The following KIF1C variants were observed in gnomAD, a reference collection of about 807,000 sequenced individuals.
KIF1C encodes kinesin family member 1C.
KIF1C carries 61 observed loss-of-function variants against 126.5 expected under a neutral mutation model. That is an observed-to-expected ratio of 0.48 (90% confidence interval 0.39 to 0.60). KIF1C has a LOEUF of 0.60. KIF1C is among the 20% of genes least tolerant of loss of function. The probability of loss-of-function intolerance (pLI) is 0.00; values close to 1 mark genes in which losing one functional copy is unlikely to be tolerated. For synonymous variants in KIF1C, 640 were observed against 580.6 expected (o/e 1.10, Z -1.47); for missense variants, 1,315 against 1,489.2 (o/e 0.88, Z 1.93).
rs1345170512 is a variant in KIF1C, at chr17:5,026,273, ACT to A, written c.*2124_*2125del. ...AGCAGTTTAAAATCTGGCCAGGGAG[ACT>A]CAATGTGAGCAAGAAAATGATAGAA... On this transcript the variant is annotated 3_prime_UTR_variant, in exon 23 of 23. Coordinates refer to ENST00000320785, the MANE Select transcript of KIF1C (RefSeq NM_006612.6). The A allele has an allele frequency of 2.6e-5, 4 of 152,058 alleles. No homozygotes were observed. The highest frequency in any genetic ancestry group is 5.9e-5 in the Non-Finnish European group (4 of 68,040). 9.4% of individuals were successfully genotyped at this position (152,058 alleles called of 1,614,324 possible). A position where few individuals can be genotyped will look rare whatever the true frequency, so the allele number is the denominator to read the frequency against.
At chr17:5,013,831 G>A (rs1464399500) in intron 17 of KIF1C, 99 bp downstream of exon 17, 9 of 856,138 alleles carry the variant, frequency 1.1e-5, no homozygotes, top group Non-Finnish European at 1.7e-5. Flanking sequence ...GTGGTCCCTG[G>A]AGATACCTCA....
chr17:5,022,555 C>A lies in KIF1C; in HGVS notation c.2474C>A (p.Ala825Asp). The change falls in exon 22 of 23, where the codon GCC (alanine) becomes GAC (aspartate). Residue 825 changes from alanine to aspartate, a missense_variant. Ala to Asp is a moderately radical substitution (Grantham distance 126, BLOSUM62 -2). Around this residue, in one of 2 missense-constraint regions of KIF1C, gnomAD observed 441 missense variants for 436.1 expected, o/e 1.01. Coordinates refer to ENST00000320785, the MANE Select transcript of KIF1C (RefSeq NM_006612.6). This position sits in a 1 kb window ranked among gnomAD's most constrained non-coding sequence, Gnocchi z 4.9. Reference sequence around the variant, plus strand: ...AGTGGTGGTGGCAGTGAGGAGGGAGCCCGAGGGGCGGAGGTGGAGGACCTC... The same window carrying A: ...AGTGGTGGTGGCAGTGAGGAGGGAGACCGAGGGGCGGAGGTGGAGGACCTC... ...AGSGGGSEEG[A>D]RGAEVEDLRA... 6.3e-7 allele frequency: 1 copy of A among 1,590,030 alleles called. No individual in the cohort carries two copies. Among genetic ancestry groups the A allele is most frequent in the East Asian group, 2.3e-5 (1 of 43,816 alleles).
chr17:5,000,239 C>T lies in KIF1C; in HGVS notation c.-8C>T. The stretch of plus-strand genomic sequence containing the variant: ...CTCCAGCTGAGGAGGGCAGGAGTGT[C>T]TGGAGCTATGGCTGGTGCCTCGGTG... On this transcript the variant is annotated 5_prime_UTR_variant, in exon 3 of 23. Transcript: ENST00000320785. 2 of 1,560,220 alleles carry T rather than the reference C, an allele frequency of 1.3e-6. No individual in the cohort carries two copies. Among genetic ancestry groups the T allele is most frequent in the South Asian group, 1.2e-5 (1 of 84,632 alleles).
intron 18 of KIF1C, among the ~76,000 whole-genome samples, chr17:5,015,979 C>T (rs913875457): frequency 2.2e-4 from 33 of 151,990 alleles, no homozygotes; most frequent in African/African-American, 7.3e-4. Flanking sequence ...TAAGCTCAAG[C>T]AAAGTCTCTG....
rs2143331785 is a variant in KIF1C, at chr17:5,007,078, G to A, written c.1329G>A (p.Arg443=). 3 of 1,587,084 alleles carry A rather than the reference G, an allele frequency of 1.9e-6. No individual in the cohort carries two copies. Among genetic ancestry groups the A allele is most frequent in the African/African-American group, 1.4e-5 (1 of 73,176 alleles). ...SQIGPEEAME[R]LQETEKIIAE... ...TTGGGCCTGAGGAAGCCATGGAGAG[G>A]CTGCAGGTGGGAAGCTGGAGCTGGC... Residue 443 remains arginine (R), a synonymous_variant, in exon 14 of 23, where the codon AGG becomes AGA. Transcript: ENST00000320785.
rs1176079874 is a variant in KIF1C at position 5,028,004 on chromosome 17, A to G, written c.*3853A>G. 1 of 152,196 alleles carries G rather than the reference A, an allele frequency of 6.6e-6. No homozygotes were observed. The highest frequency in any genetic ancestry group is 6.6e-5 in the Admixed American group (1 of 15,262). The allele number at this position is 152,196 out of a possible 1,614,324, so 9.4% of individuals were successfully genotyped here. On this transcript the variant is annotated 3_prime_UTR_variant, in exon 23 of 23. Transcript: ENST00000320785. ...ATCAGACATCACCATCACCTCGCTT[A>G]GAATCCATGGGGCCTTCTCCTCAAA... is the stretch of plus-strand genomic sequence containing the variant.
chr17:5,000,366 C>G lies in KIF1C; in HGVS notation c.106+14C>G. 2.0e-6 allele frequency: 3 copies of G among 1,534,332 alleles called. No individual in the cohort carries two copies. The highest frequency in any genetic ancestry group is 1.4e-5 in the African/African-American group (1 of 72,926). ...GCAACACCACCTGTGAGTGAGTCCC[C>G]GGGGCCTGGCTGGGCACAGGCAGGG... On this transcript the variant is annotated intron_variant, in intron 3 of 22. Coordinates refer to ENST00000320785, the MANE Select transcript of KIF1C (RefSeq NM_006612.6).
rs201947256 is a variant in KIF1C, at chr17:5,002,860, C to G, written c.720+18C>G. On this transcript the variant is annotated intron_variant, in intron 8 of 22. Transcript: ENST00000320785. ...CGGAGAAGGTGGGATCGCCCCCCCC[C>G]CCACTCCCCCACCGGATGCAACCTC... 85 of 1,575,676 alleles carry G rather than the reference C, an allele frequency of 5.4e-5. No individual in the cohort carries two copies. Among genetic ancestry groups the G allele is most frequent in the East Asian group, 1.1e-4 (5 of 44,644 alleles).
At chr17:5,016,775 G>T (rs768163786) in intron 18 of KIF1C, among the ~76,000 whole-genome samples, 1 of 151,608 alleles carries the variant, frequency 6.6e-6, no homozygotes, top group Admixed American at 6.6e-5. Context: ...GCATGGTGGC[G>T]AACGCTTGTA....
At position 5,023,806 on chromosome 17, in the gene KIF1C, G is replaced by C. The variant is rs747689834; in HGVS notation, c.2967G>C (p.Glu989Asp). The C allele has an allele frequency of 1.3e-6, 2 of 1,518,994 alleles. No homozygotes were observed. The highest frequency in any genetic ancestry group is 2.8e-5 in the African/African-American group (2 of 71,584). The allele number at this position is 1,518,994 out of a possible 1,614,324, so 94.1% of individuals were successfully genotyped here. ...FPFKSNPQHR[E>D]SWPGMGSGEA... ...TCAAGAGCAACCCCCAGCACCGGGA[G>C]TCTTGGCCAGGGATGGGGAGCGGGG... The change falls in exon 23 of 23, where the codon GAG (glutamate) becomes GAC (aspartate). Residue 989 changes from glutamate (E) to aspartate (D), a missense_variant. Physicochemically the swap from Glu to Asp is conservative, Grantham distance 45 (BLOSUM62 2). Transcript: ENST00000320785. The surrounding 1 kb of genome is among the most constrained non-coding windows in gnomAD (Gnocchi z 4.2).
At chr17:5,015,274 T>C (rs1260625578) in intron 18 of KIF1C, among the ~76,000 whole-genome samples, 2 of 151,820 alleles carry the variant, frequency 1.3e-5, no homozygotes, top group African/African-American at 4.9e-5. Context: ...TCTTTTTCTT[T>C]TTCTTTTTCT....
rs114255616 is a variant in KIF1C at position 5,012,631 on chromosome 17, C to T, written c.1492-1022C>T. On this transcript the variant is annotated intron_variant, in intron 16 of 22. Transcript: ENST00000320785. ...CAGAGAGGCAAAGACATGGCCATAG[C>T]GAGGTGTGGGCAGGAAGCTGGGAGA... is the stretch of plus-strand genomic sequence containing the variant. Among the ~76,000 whole-genome samples the T allele has an allele frequency of 2.2e-3, 338 of 151,932 alleles. 2 individuals are homozygous for T. The highest frequency in any genetic ancestry group is 7.9e-3 in the African/African-American group (326 of 41,422).
Position 5,002,493 on chromosome 17 carries a change from G to T in KIF1C, c.459G>T (p.Arg153=). The T allele has an allele frequency of 6.2e-7, 1 of 1,609,602 alleles. No individual in the cohort carries two copies. The highest frequency in any genetic ancestry group is 1.1e-5 in the South Asian group (1 of 90,886). The change falls in exon 7 of 23, where the codon CGG becomes CGT. Residue 153 remains arginine, a synonymous_variant. Transcript: ENST00000320785. ...GCTATATGGAGATCTACTGTGAGCG[G>T]GTACGAGACCTCTTGAACCCCAAGA... ...EVSYMEIYCE[R]VRDLLNPKSR...
At chr17:5,011,026 G>T (rs946853992) in intron 16 of KIF1C, among the ~76,000 whole-genome samples, 2 of 152,060 alleles carry the variant, frequency 1.3e-5, no homozygotes, top group Non-Finnish European at 2.9e-5. Context: ...ATACAAGAGA[G>T]CCCATTTCCC....
Position 5,022,014 on chromosome 17 carries a change from C to G in KIF1C, c.2011-78C>G. The G allele has an allele frequency of 6.8e-7, 1 of 1,473,804 alleles. No individual in the cohort carries two copies. The highest frequency in any genetic ancestry group is 1.4e-5 in the African/African-American group (1 of 71,542). The allele number at this position is 1,473,804 out of a possible 1,614,324, so 91.3% of individuals were successfully genotyped here. A position where few individuals can be genotyped will look rare whatever the true frequency, so the allele number is the denominator to read the frequency against. Reference sequence around the variant, plus strand: ...CCCTGATGGGCGTGTTTCCAGTGTACTTAGGACACACTGGGCCAAGACACA... The same window carrying G: ...CCCTGATGGGCGTGTTTCCAGTGTAGTTAGGACACACTGGGCCAAGACACA... On this transcript the variant is annotated intron_variant, in intron 21 of 22. Coordinates refer to ENST00000320785, the MANE Select transcript of KIF1C (RefSeq NM_006612.6). This position sits in a 1 kb window ranked among gnomAD's most constrained non-coding sequence, Gnocchi z 4.9.
chr17:5,024,108 A>G lies in KIF1C; in HGVS notation c.3269A>G (p.Gln1090Arg), dbSNP rs1161457987. 1 of 1,609,344 alleles carries G rather than the reference A, an allele frequency of 6.2e-7. No homozygotes were observed. Among genetic ancestry groups the G allele is most frequent in the South Asian group, 1.1e-5 (1 of 90,704 alleles). Residue 1090 changes from glutamine (Q) to arginine (R), a missense_variant, in exon 23 of 23, where the codon CAG becomes CGG. This residue lies in a region of KIF1C where 441 missense variants were observed against 436.1 expected (regional missense o/e 1.01). Transcript: ENST00000320785. ...PYTTPPRMRR[Q>R]RSAPDLKESG... ...ACTACTCCCCCACGAATGAGACGGC[A>G]GCGTTCTGCCCCTGACCTCAAGGAG...
chr17:5,019,799 G>A, intron 18 of KIF1C, 197 bp from the exon 19 acceptor site: 5 of 598,328 alleles, frequency 8.4e-6, no homozygotes, highest in Non-Finnish European at 1.2e-5. Context: ...ATTGTAGTTG[G>A]GGCTCTAACC....
chr17:5,027,309 T>C lies in KIF1C; in HGVS notation c.*3158T>C, dbSNP rs1187575891. The C allele has an allele frequency of 2.0e-5, 3 of 152,204 alleles. No individual in the cohort carries two copies. Among genetic ancestry groups the C allele is most frequent in the African/African-American group, 7.2e-5 (3 of 41,438 alleles). The allele number at this position is 152,204 out of a possible 1,614,324, so 9.4% of individuals were successfully genotyped here. ...GCACCCGGCTAATTTTTTGTATCTT[T>C]AGTAGAGACAGGGTTTCACTATGTT... On this transcript the variant is annotated 3_prime_UTR_variant, in exon 23 of 23. Transcript: ENST00000320785.
chr17:5,007,702 G>A (rs899477417), intron 16 of KIF1C, among the ~76,000 whole-genome samples, 160 bp downstream of exon 16: 9 of 152,020 alleles, frequency 5.9e-5, no homozygotes, highest in South Asian at 2.1e-4. Flanking sequence ...CCTCCTCTCC[G>A]TCTTGTTTAG....
Sources: gnomAD v4.1 joint callset for allele counts (sites outside exome capture counted in the v4.1 genomes callset) on GRCh38, gnomAD v4.1.1 for gene constraint, gnomAD v4.1.1 regional missense constraint, Gnocchi (gnomAD v3.1) non-coding constraint, MANE v1.5 for transcripts, NCBI Gene and HGNC (gene_info 2026-07-23, HGNC 2026-07-21) for gene names.